Variants in ABCB11 observed in about 807,000 individuals in gnomAD.
The protein encoded by ABCB11 is ATP binding cassette subfamily B member 11.
A neutral mutation model predicts 148.0 loss-of-function variants in ABCB11; 95 were observed. The ratio of observed to expected loss-of-function variants is 0.64; its 90% CI spans 0.54 to 0.76. The LOEUF (loss-of-function observed/expected upper bound fraction) is 0.76, where lower values mean the gene tolerates loss of function less well. Ranked by LOEUF, ABCB11 falls within the 30% of genes least tolerant of loss-of-function variation. The pLI is 0.00. For missense variants in ABCB11, 1,523 were observed against 1,617.8 expected (o/e 0.94, Z 1.01); for synonymous variants, 591 against 555.4 (o/e 1.06, Z -0.90).
chr2:168,968,626 T>A, intron 16 of ABCB11, 136 bp from the exon 17 acceptor site: 1 of 720,554 alleles, frequency 1.4e-6, no homozygotes, highest in South Asian at 2.6e-5. Flanking sequence ...TTTATTGCAA[T>A]AAATAAAACT....
In ABCB11 at chr2:168,935,219, G is replaced by C; in HGVS notation, c.3021C>G (p.Ile1007Met). 6.2e-7 allele frequency: 1 copy of C among 1,613,972 alleles called. No individual in the cohort carries two copies. The highest frequency in any genetic ancestry group is 8.5e-7 in the Non-Finnish European group (1 of 1,179,874). The change falls in exon 23 of 28, where the codon ATC becomes ATG. Residue 1007 changes from isoleucine (I) to methionine (M), a missense_variant. Coordinates refer to ENST00000650372, the MANE Select transcript of ABCB11 (RefSeq NM_003742.4). ...SASYRYGGYLISNEGLHFSYV... is the reference protein window; with the variant it reads ...SASYRYGGYLMSNEGLHFSYV... ...AGCTGAAATGGAGCCCCTCATTGGAGATTAAGTAACCTCCATATCTGTAGG... is the reference window on the plus strand; with the variant it reads ...AGCTGAAATGGAGCCCCTCATTGGACATTAAGTAACCTCCATATCTGTAGG...
intron 25 of ABCB11, among the ~76,000 whole-genome samples, chr2:168,928,028 G>A (rs559074069): frequency 6.6e-6 from 1 of 152,266 alleles, no homozygotes; most frequent in South Asian, 2.1e-4. Context: ...ATTCACTAAA[G>A]AGTCCTAGAA....
intron 11 of ABCB11, among the ~76,000 whole-genome samples, chr2:168,979,061 T>C (rs528478852): frequency 6.6e-6 from 1 of 152,124 alleles, no homozygotes; most frequent in African/African-American, 2.4e-5. Flanking sequence ...TCCAGTGTGC[T>C]TCCATAGACT....
intron 27 of ABCB11, 99 bp from the exon 28 acceptor site, chr2:168,923,921 T>C (rs919069713): frequency 1.7e-6 from 2 of 1,158,404 alleles, no homozygotes; most frequent in Admixed American, 4.0e-5. Context: ...AACAATCCTA[T>C]ACTTGACGGC....
chr2:168,965,894 C>T (rs1162443777), intron 17 of ABCB11, among the ~76,000 whole-genome samples: 1 of 151,848 alleles, frequency 6.6e-6, no homozygotes, highest in Non-Finnish European at 1.5e-5. Flanking sequence ...TTCCCATTTT[C>T]TGTTAATGGC....
intron 1 of ABCB11, among the ~76,000 whole-genome samples, 196 bp downstream of exon 1, chr2:169,031,029 C>T (rs1463511733): frequency 1.3e-5 from 2 of 152,174 alleles, no homozygotes; most frequent in African/African-American, 4.8e-5. Flanking sequence ...AAGAAGACAG[C>T]AACCAAGAGT....
At chr2:169,003,105 C>T (rs966656610) in intron 5 of ABCB11, among the ~76,000 whole-genome samples, 2 of 151,946 alleles carry the variant, frequency 1.3e-5, no homozygotes, top group Non-Finnish European at 2.9e-5. Flanking sequence ...TTTTATTCCT[C>T]ACCACCCACC....
intron 22 of ABCB11, 48 bp downstream of exon 22, chr2:168,936,182 A>G: frequency 6.4e-7 from 1 of 1,558,818 alleles, no homozygotes; most frequent in Non-Finnish European, 8.8e-7. Flanking sequence ...AGTTTGTCTG[A>G]TAGCCACTCA....
chr2:168,973,600 T>A, intron 13 of ABCB11, 115 bp downstream of exon 13: 2 of 1,292,030 alleles, frequency 1.5e-6, no homozygotes, highest in Non-Finnish European at 2.1e-6. Flanking sequence ...ATCATTAAGT[T>A]AACTATGCAT....
chr2:168,932,407 G>A lies in ABCB11; in HGVS notation c.3183C>T (p.Ile1061=), dbSNP rs1487752354. The change falls in exon 24 of 28, where the codon ATC becomes ATT. Residue 1061 remains isoleucine, a synonymous_variant. Transcript: ENST00000650372. ...FFQLLDRQPP[I]SVYNTAGEKW... is the part of the protein sequence containing the mutation. ...TTTCACCTGCAGTATTGTATACACT[G>A]ATTGGGGGTTGTCGGTCCAGCAGTT... 1.3e-6 allele frequency: 2 copies of A among 1,577,630 alleles called. No homozygotes were observed. The highest frequency in any genetic ancestry group is 2.3e-5 in the South Asian group (2 of 86,082).
chr2:169,016,900 T>C (rs1558929690), intron 2 of ABCB11, 101 bp from the exon 3 acceptor site: 2 of 851,178 alleles, frequency 2.3e-6, no homozygotes, highest in Admixed American at 2.6e-5. Context: ...TCCTATAAAT[T>C]ACCTTTATTC....
At chr2:169,016,065 T>C (rs1390323175) in intron 3 of ABCB11, among the ~76,000 whole-genome samples, 1 of 152,086 alleles carries the variant, frequency 6.6e-6, no homozygotes, top group African/African-American at 2.4e-5. Flanking sequence ...ACAAAGCAAC[T>C]CATTCAACTT....
At chr2:168,989,139 T>C (rs1438988173) in intron 9 of ABCB11, among the ~76,000 whole-genome samples, 4 of 152,172 alleles carry the variant, frequency 2.6e-5, no homozygotes, top group Non-Finnish European at 5.9e-5. Flanking sequence ...TGTAATCCCA[T>C]CTGTCTATTT....
chr2:168,998,907 A>G (rs912785552), intron 5 of ABCB11, among the ~76,000 whole-genome samples: 6 of 152,196 alleles, frequency 3.9e-5, no homozygotes, highest in African/African-American at 1.4e-4. Flanking sequence ...ACTTGATAAT[A>G]TTTCTGGAAC....
chr2:169,025,711 G>A (rs1346835529), intron 1 of ABCB11, among the ~76,000 whole-genome samples: 2 of 152,152 alleles, frequency 1.3e-5, no homozygotes, highest in Non-Finnish European at 1.5e-5. Flanking sequence ...ACTGTTAAAA[G>A]TTACATTCTA....
intron 21 of ABCB11, among the ~76,000 whole-genome samples, chr2:168,944,011 G>C (rs1193173696): frequency 6.6e-5 from 10 of 151,988 alleles, no homozygotes; most frequent in Non-Finnish European, 1.3e-4. Flanking sequence ...ACCTGGTTTT[G>C]TAAAAGTCTA....
chr2:169,003,461 A>G (rs1304636837), intron 5 of ABCB11, among the ~76,000 whole-genome samples: 1 of 151,244 alleles, frequency 6.6e-6, no homozygotes, highest in African/African-American at 2.4e-5. Flanking sequence ...TAATATATAT[A>G]TTACATTTTC....
At chr2:168,983,368 T>G (rs1422635243) in intron 10 of ABCB11, among the ~76,000 whole-genome samples, 1 of 152,186 alleles carries the variant, frequency 6.6e-6, no homozygotes, top group African/African-American at 2.4e-5. Flanking sequence ...GACAAGGGAC[T>G]ATAGTTAAAA....
At chr2:168,949,057 C>T (rs1270260212) in intron 19 of ABCB11, among the ~76,000 whole-genome samples, 1 of 151,584 alleles carries the variant, frequency 6.6e-6, no homozygotes, top group Admixed American at 6.6e-5. Context: ...TTCGGTAAAC[C>T]TGGGCCCTAG....
Sources: gnomAD v4.1 joint callset for allele counts (sites outside exome capture counted in the v4.1 genomes callset) on GRCh38, gnomAD v4.1.1 for gene constraint, MANE v1.5 for transcripts, NCBI Gene and HGNC (gene_info 2026-07-23, HGNC 2026-07-21) for gene names.